The following SH3BP2 variants were observed in gnomAD, a reference collection of about 807,000 sequenced individuals.
The protein encoded by SH3BP2 is SH3 domain-binding protein 2.
Under a neutral mutation model 56.2 loss-of-function variants are expected in SH3BP2, and 38 were observed. The observed-to-expected ratio is 0.68, with a 90% CI of 0.52 to 0.89. The LOEUF (loss-of-function observed/expected upper bound fraction) is 0.89. Among genes scored for constraint, SH3BP2 ranks in the 40% least tolerant of loss-of-function variants. The pLI, the probability that SH3BP2 is intolerant of heterozygous loss-of-function variation, is 0.00. For missense variants in SH3BP2, 748 were observed against 762.6 expected, an observed-to-expected ratio of 0.98 and a Z score of 0.23; for synonymous variants, 346 against 316.7, an observed-to-expected ratio of 1.09 and a Z score of -0.98.
At chr4:2,802,634 GGT>G (rs1427693859) in intron 1 of SH3BP2, among the ~76,000 whole-genome samples, 1 of 146,886 alleles carries the variant, frequency 6.8e-6, no homozygotes, top group Non-Finnish European at 1.5e-5. Flanking sequence ...GTATGTATGT[GGT>G]GTGTGTATAT....
At position 2,833,665 on chromosome 4, in the gene SH3BP2, C is replaced by G. The variant is rs1417719170; in HGVS notation, c.1549-32C>G. ...CCTAGAGCCGCAGAGTGGCCTGGCC[C>G]TGCTGACGCTCCCCCTTCTCTTCCC... On this transcript the variant is annotated intron_variant, in intron 12 of 12. Coordinates refer to ENST00000503393, the MANE Select transcript of SH3BP2 (RefSeq NM_001122681.2). The G allele has an allele frequency of 3.1e-6, 5 of 1,600,724 alleles. No homozygotes were observed. The East Asian group carries it at 6.8e-5, about 22-fold the overall frequency.
intron 1 of SH3BP2, among the ~76,000 whole-genome samples, chr4:2,794,532 G>A (rs746453911): frequency 6.6e-6 from 1 of 152,076 alleles, no homozygotes; most frequent in Admixed American, 6.5e-5. Flanking sequence ...CCTGCCACCC[G>A]CCAGGCTCCC....
rs1041524720 is a variant in SH3BP2 at position 2,838,792 on chromosome 4, CACACAATGCTGCTAGCA to C, written c.*4962_*4978del. On this transcript the variant is annotated 3_prime_UTR_variant, in exon 13 of 13. Transcript: ENST00000503393. ...GTTTGTTTCTAGTTTGGGGTAACTA[CACACAATGCTGCTAGCA>C]ACAGTTTTGTCCATGTCTCTGATGC... The C allele has an allele frequency of 9.2e-5, 14 of 152,180 alleles. No individual in the cohort carries two copies. The highest frequency in any genetic ancestry group is 9.2e-4 in the Admixed American group (14 of 15,278). The allele number at this position is 152,180 out of a possible 1,614,324, so 9.4% of individuals were successfully genotyped here.
rs1262362288 is a variant in SH3BP2, at chr4:2,818,278, C to T, written c.-4-2336C>T. ...CTGGGGCCGGCGGGAGGCGGGCGCC[C>T]GGGACGAGGCGGCGGCGGCCGGGGG... On this transcript the variant is annotated intron_variant, in intron 1 of 12. Coordinates refer to ENST00000503393, the MANE Select transcript of SH3BP2 (RefSeq NM_001122681.2). 1.3e-5 allele frequency: 13 copies of T among 1,025,164 alleles called. No homozygotes were observed. The highest frequency in any genetic ancestry group is 5.2e-5 in the African/African-American group (3 of 57,554). The allele number at this position is 1,025,164 out of a possible 1,614,324, so 63.5% of individuals were successfully genotyped here.
chr4:2,818,926 TTTTA>T, intron 1 of SH3BP2: 1 of 983,308 alleles, frequency 1.0e-6, no homozygotes, highest in Non-Finnish European at 1.2e-6. Context: ...GTATTTTTCT[TTTTA>T]TTTATTTTGT....
Position 2,832,367 on chromosome 4 carries a change from G to A in SH3BP2, c.1443G>A (p.Gln481=), listed in dbSNP as rs754253596. ...FKATSPRGEP[Q]DGLYCIRNSS... is the part of the protein sequence containing the mutation. ...CTACAAGCCCCCGGGGAGAGCCCCA[G>A]GATGGACTCTACTGCATCCGGAACT... is the stretch of plus-strand genomic sequence containing the variant. The change falls in exon 11 of 13, where the codon CAG becomes CAA. Residue 481 remains glutamine (Q), a synonymous_variant. Coordinates refer to ENST00000503393, the MANE Select transcript of SH3BP2 (RefSeq NM_001122681.2). 2 of 1,614,140 alleles carry A rather than the reference G, an allele frequency of 1.2e-6. No individual in the cohort carries two copies. The highest frequency in any genetic ancestry group is 4.5e-5 in the East Asian group (2 of 44,882).
Position 2,829,711 on chromosome 4 carries a change from AG to A in SH3BP2, c.808del (p.Val270TyrfsTer8). On this transcript the variant is annotated frameshift_variant, in exon 8 of 13. Coordinates refer to ENST00000503393, the MANE Select transcript of SH3BP2 (RefSeq NM_001122681.2). LOFTEE classifies it high-confidence loss of function. This position sits in a 1 kb window ranked among gnomAD's most constrained non-coding sequence, Gnocchi z 4.9. ...LCPRRAEPCP[R>X]VPATPRRMSD... ...CCCGAGGCGGGCTGAGCCTTGCCCC[AG>A]GGTACCTGCTACCCCCCGAAGGATG... 6 of 1,611,132 alleles carry A rather than the reference AG, an allele frequency of 3.7e-6. No homozygotes were observed. Among genetic ancestry groups the A allele is most frequent in the Non-Finnish European group, 5.1e-6 (6 of 1,179,462 alleles).
At chr4:2,812,730 C>A (rs909767005) in intron 1 of SH3BP2, among the ~76,000 whole-genome samples, 17 of 136,734 alleles carry the variant, frequency 1.2e-4, no homozygotes, top group East Asian at 8.7e-4. Flanking sequence ...GAACCCCCCC[C>A]ACCCCCCCAT....
In SH3BP2 at chr4:2,838,697, C is replaced by T. The variant is rs537427019; in HGVS notation, c.*4863C>T. 4.6e-5 allele frequency: 7 copies of T among 150,724 alleles called. No homozygotes were observed. Among genetic ancestry groups the T allele is most frequent in the East Asian group, 1.9e-4 (1 of 5,188 alleles). The allele number at this position is 150,724 out of a possible 1,614,324, so 9.3% of individuals were successfully genotyped here. On this transcript the variant is annotated 3_prime_UTR_variant, in exon 13 of 13. Coordinates refer to ENST00000503393, the MANE Select transcript of SH3BP2 (RefSeq NM_001122681.2). ...GTGGTAGTGTATTTTATGCGTGACC[C>T]GAGACAGTTCTTCCGGTATGGTCCA...
At chr4:2,830,186 A>G (rs768165202) in intron 8 of SH3BP2, 39 bp downstream of exon 8, 9 of 1,576,366 alleles carry the variant, frequency 5.7e-6, no homozygotes, top group Non-Finnish European at 6.9e-6. Flanking sequence ...GCCTCCAGCT[A>G]CAGGGACCCT....
intron 1 of SH3BP2, among the ~76,000 whole-genome samples, chr4:2,794,484 G>C (rs1218967400): frequency 2.0e-5 from 3 of 152,254 alleles, no homozygotes; most frequent in Non-Finnish European, 4.4e-5. Flanking sequence ...CCTGGGACGA[G>C]GGCTGCAAGG....
chr4:2,826,618 GCAT>G (rs1724658967), intron 5 of SH3BP2: 1 of 334,832 alleles, frequency 3.0e-6, no homozygotes, highest in African/African-American at 2.3e-5. Context: ...GTTTGTGTGT[GCAT>G]GTCTGCGTGT....
At chr4:2,833,161 A>G (rs1165367709) in intron 12 of SH3BP2, 112 bp downstream of exon 12, 3 of 930,354 alleles carry the variant, frequency 3.2e-6, no homozygotes, top group South Asian at 1.3e-5. Context: ...TGGCACCTCC[A>G]GGATACCGCC....
At position 2,833,733 on chromosome 4, in the gene SH3BP2, G is replaced by C. The variant is rs764179076; in HGVS notation, c.1585G>C (p.Val529Leu). Residue 529 changes from valine (V) to leucine (L), a missense_variant, in exon 13 of 13, where the codon GTG becomes CTG. Val to Leu is a conservative substitution (Grantham distance 32). Coordinates refer to ENST00000503393, the MANE Select transcript of SH3BP2 (RefSeq NM_001122681.2). ...CTACCTGGAGGGCGAGGTCCTGTTTGTGAGTGTGGGCAGCATGGTGGAGCA... is the reference window on the plus strand; with the variant it reads ...CTACCTGGAGGGCGAGGTCCTGTTTCTGAGTGTGGGCAGCATGGTGGAGCA... Reference protein sequence around the residue: ...KFYLEGEVLFVSVGSMVEHYH... With the variant: ...KFYLEGEVLFLSVGSMVEHYH... 6.2e-7 allele frequency: 1 copy of C among 1,609,684 alleles called. No individual in the cohort carries two copies. The highest frequency in any genetic ancestry group is 1.1e-5 in the South Asian group (1 of 90,122).
intron 1 of SH3BP2, among the ~76,000 whole-genome samples, chr4:2,797,459 C>T (rs1458203331): frequency 6.6e-6 from 1 of 152,242 alleles, no homozygotes; most frequent in African/African-American, 2.4e-5. Context: ...CAAGAGCAGA[C>T]AGGCCACAGG....
intron 1 of SH3BP2, among the ~76,000 whole-genome samples, chr4:2,795,043 C>A (rs1257838320): frequency 6.6e-6 from 1 of 152,204 alleles, no homozygotes; most frequent in Non-Finnish European, 1.5e-5. Flanking sequence ...TTTTCTCATC[C>A]ATGACCTGAG....
chr4:2,829,720 G>A lies in SH3BP2; in HGVS notation c.814G>A (p.Ala272Thr), dbSNP rs1366943959. ...RRAEPCPRVPATPRRMSDPPL... is the reference protein window; with the variant it reads ...RRAEPCPRVPTTPRRMSDPPL... The stretch of plus-strand genomic sequence containing the variant: ...GGCTGAGCCTTGCCCCAGGGTACCT[G>A]CTACCCCCCGAAGGATGAGCGATCC... The change falls in exon 8 of 13, where the codon GCT (alanine) becomes ACT (threonine). Residue 272 changes from alanine (A) to threonine (T), a missense_variant. By Grantham distance (58) the Ala-to-Thr change is moderately conservative. Coordinates refer to ENST00000503393, the MANE Select transcript of SH3BP2 (RefSeq NM_001122681.2). The surrounding 1 kb of genome is among the most constrained non-coding windows in gnomAD (Gnocchi z 4.9). 1.2e-6 allele frequency: 2 copies of A among 1,612,580 alleles called. No homozygotes were observed. Among genetic ancestry groups the A allele is most frequent in the Admixed American group, 1.7e-5 (1 of 59,980 alleles).
At position 2,831,043 on chromosome 4, in the gene SH3BP2, G is replaced by A. The variant is rs1281058089; in HGVS notation, c.1242-528G>A. Among the ~76,000 whole-genome samples, 1 of 152,228 alleles carries A rather than the reference G, an allele frequency of 6.6e-6. No homozygotes were observed. The highest frequency in any genetic ancestry group is 1.5e-5 in the Non-Finnish European group (1 of 68,040). Reference sequence around the variant, plus strand: ...ATGACTGTGGGGATAGCGGTTCCAGGGCTCAGCCTCACCCACAGGCTGGCC... The same window carrying A: ...ATGACTGTGGGGATAGCGGTTCCAGAGCTCAGCCTCACCCACAGGCTGGCC... On this transcript the variant is annotated intron_variant, in intron 8 of 12. Transcript: ENST00000503393. This position sits in a 1 kb window ranked among gnomAD's most constrained non-coding sequence, Gnocchi z 4.1.
chr4:2,832,141 C>T (rs1725021218), intron 10 of SH3BP2, 163 bp downstream of exon 10: 3 of 968,248 alleles, frequency 3.1e-6, no homozygotes, highest in Middle Eastern at 4.1e-4. Context: ...GTCCCATGCC[C>T]AGCTGGCACC....
Sources: gnomAD v4.1 joint callset for allele counts (sites outside exome capture counted in the v4.1 genomes callset) on GRCh38, gnomAD v4.1.1 for gene constraint, Gnocchi (gnomAD v3.1) non-coding constraint, MANE v1.5 for transcripts, NCBI Gene and HGNC (gene_info 2026-07-23, HGNC 2026-07-21) for gene names.